TAFA5: variants seen among roughly 807,000 people sequenced by gnomAD.
TAFA5 encodes TAFA chemokine like family member 5.
In TAFA5, 6 loss-of-function variants were observed where a neutral mutation model predicts 15.3. The observed-to-expected ratio is 0.39, with a 90% CI of 0.21 to 0.77. The LOEUF is 0.77. Ranked by LOEUF, TAFA5 falls within the 30% of genes least tolerant of loss-of-function variation. The pLI is 0.41. For missense variants in TAFA5, 161 were observed against 193.1 expected (o/e 0.83, Z 0.98); for synonymous variants, 103 against 80.7 (o/e 1.28, Z -1.48).
At chr22:48,572,515 G>A (rs545988557) in intron 1 of TAFA5, among the ~76,000 whole-genome samples, 1 of 152,198 alleles carries the variant, frequency 6.6e-6, no homozygotes, top group African/African-American at 2.4e-5. Context: ...TGCTGACCCT[G>A]CTTCTCATGA....
rs2038450644 is a variant in TAFA5, at chr22:48,566,275, T to G, written c.112+76571T>G. 7.3e-6 allele frequency among the ~76,000 whole-genome samples: 1 copy of G among 137,010 alleles called. No individual in the cohort carries two copies. Among genetic ancestry groups the G allele is most frequent in the African/African-American group, 2.8e-5 (1 of 35,552 alleles). 89.9% of individuals were successfully genotyped at this position (137,010 alleles called of 152,430 possible). A position where few individuals can be genotyped will look rare whatever the true frequency, so the allele number is the denominator to read the frequency against. ...GTAGATGGATGATGGGTGATGAATG[T>G]ATGATGGGTGGATGAAAGATGGATG... On this transcript the variant is annotated intron_variant, in intron 1 of 3. Transcript: ENST00000402357. The surrounding 1 kb of genome is among the most constrained non-coding windows in gnomAD (Gnocchi z 4.5).
intron 3 of TAFA5, among the ~76,000 whole-genome samples, chr22:48,709,395 C>G (rs1269617909): frequency 1.2e-5 from 1 of 85,642 alleles, no homozygotes; most frequent in East Asian, 3.1e-4. Context: ...AGGCTCTCCT[C>G]TGTCCCTGCT....
Position 48,742,750 on chromosome 22 carries a change from T to C in TAFA5, c.391-7089T>C, listed in dbSNP as rs1023037973. ...GCCGGCAGCACAGTGGAGCAGGCATTATGGTGGACTGGGCAGCATGGTGTA... is the reference window on the plus strand; with the variant it reads ...GCCGGCAGCACAGTGGAGCAGGCATCATGGTGGACTGGGCAGCATGGTGTA... On this transcript the variant is annotated intron_variant, in intron 3 of 3. Transcript: ENST00000402357. This position sits in a 1 kb window ranked among gnomAD's most constrained non-coding sequence, Gnocchi z 6.2. Among the ~76,000 whole-genome samples, 4 of 151,970 alleles carry C rather than the reference T, an allele frequency of 2.6e-5. No homozygotes were observed. Among genetic ancestry groups the C allele is most frequent in the Non-Finnish European group, 4.4e-5 (3 of 67,970 alleles).
intron 2 of TAFA5, among the ~76,000 whole-genome samples, chr22:48,653,405 T>TGGGCA (rs1395795624): frequency 1.3e-5 from 2 of 152,112 alleles, no homozygotes; most frequent in Non-Finnish European, 2.9e-5. Context: ...GCCCAGCAGG[T>TGGGCA]GGGCAGGGCA....
At chr22:48,688,661 C>T (rs1684853969) in intron 2 of TAFA5, among the ~76,000 whole-genome samples, 1 of 152,150 alleles carries the variant, frequency 6.6e-6, no homozygotes, top group African/African-American at 2.4e-5. Context: ...AGAGTCTTGA[C>T]TTCCCAGTTT....
At chr22:48,641,393 G>A (rs1226747255) in intron 1 of TAFA5, among the ~76,000 whole-genome samples, 2 of 152,140 alleles carry the variant, frequency 1.3e-5, no homozygotes, top group Non-Finnish European at 2.9e-5. Context: ...GGGGGCTGGA[G>A]GGGTGGATTC....
intron 1 of TAFA5, among the ~76,000 whole-genome samples, chr22:48,597,909 G>A (rs1261717037): frequency 1.3e-5 from 2 of 152,228 alleles, no homozygotes; most frequent in South Asian, 2.1e-4. Context: ...GGCCGATTAT[G>A]ACTTGAGCGT....
intron 1 of TAFA5, among the ~76,000 whole-genome samples, chr22:48,574,339 G>T (rs1344352757): frequency 6.6e-6 from 1 of 152,120 alleles, no homozygotes; most frequent in African/African-American, 2.4e-5. Context: ...TTCGTGGATG[G>T]CCTCTCCCCT....
chr22:48,546,874 C>T (rs935103081), intron 1 of TAFA5: 42 of 277,280 alleles, frequency 1.5e-4, no homozygotes, highest in South Asian at 3.1e-4. Flanking sequence ...TGGCCACAAG[C>T]TGTTACTACC....
chr22:48,560,907 G>A lies in TAFA5; in HGVS notation c.112+71203G>A, dbSNP rs1923208661. ...TTACAGGTGTGAGCCACCACGCCTG[G>A]CCTCACAGTTGTCTTTAAAGTGGCT... On this transcript the variant is annotated intron_variant, in intron 1 of 3. Coordinates refer to ENST00000402357, the MANE Select transcript of TAFA5 (RefSeq NM_001082967.3). This position sits in a 1 kb window ranked among gnomAD's most constrained non-coding sequence, Gnocchi z 4.2. Among the ~76,000 whole-genome samples the A allele has an allele frequency of 1.3e-5, 2 of 152,156 alleles. No homozygotes were observed. Among genetic ancestry groups the A allele is most frequent in the South Asian group, 4.1e-4 (2 of 4,824 alleles).
chr22:48,565,637 C>A (rs1332350583), intron 1 of TAFA5, among the ~76,000 whole-genome samples: 4 of 152,184 alleles, frequency 2.6e-5, no homozygotes, highest in African/African-American at 9.7e-5. Flanking sequence ...ATCCACCTAC[C>A]ACGTTAGAGC....
intron 1 of TAFA5, among the ~76,000 whole-genome samples, chr22:48,567,006 G>A (rs893528352): frequency 3.3e-5 from 5 of 152,206 alleles, no homozygotes; most frequent in Non-Finnish European, 5.9e-5. Flanking sequence ...GGGCACTTGC[G>A]TTGTCTCCAG....
chr22:48,617,859 A>G (rs1440582413), intron 1 of TAFA5, among the ~76,000 whole-genome samples: 3 of 151,824 alleles, frequency 2.0e-5, no homozygotes, highest in Non-Finnish European at 2.9e-5. Flanking sequence ...GTGCACAAGC[A>G]CATATGGGTC....
Position 48,537,943 on chromosome 22 carries a change from G to A in TAFA5, c.112+48239G>A, listed in dbSNP as rs189537243. Reference sequence around the variant, plus strand: ...GGGGCACGATGCCTTCCATTCCCCCGTGGGCCATTTGGCGTGGGGATGCCA... The same window carrying A: ...GGGGCACGATGCCTTCCATTCCCCCATGGGCCATTTGGCGTGGGGATGCCA... On this transcript the variant is annotated intron_variant, in intron 1 of 3. Transcript: ENST00000402357. Among the ~76,000 whole-genome samples the A allele has an allele frequency of 3.5e-4, 53 of 152,290 alleles. No homozygotes were observed. In the Middle Eastern group the frequency reaches 0.01, roughly 29 times the overall value.
intron 2 of TAFA5, among the ~76,000 whole-genome samples, chr22:48,680,671 G>T (rs1928155459): frequency 6.6e-6 from 1 of 152,258 alleles, no homozygotes; most frequent in Admixed American, 6.5e-5. Flanking sequence ...CCTTGTGCAT[G>T]CCAGGTCTCT....
intron 1 of TAFA5, among the ~76,000 whole-genome samples, chr22:48,502,747 C>G (rs9615337): frequency 0.33 from 50,130 of 151,948 alleles, 9,653 homozygotes; most frequent in Middle Eastern, 0.48. Flanking sequence ...ATTTCAAACT[C>G]CTGACCTCAG....
intron 1 of TAFA5, among the ~76,000 whole-genome samples, chr22:48,575,759 C>T (rs1248945650): frequency 1.4e-5 from 2 of 144,956 alleles, no homozygotes; most frequent in Non-Finnish European, 3.1e-5. Flanking sequence ...AGCCCCGGGC[C>T]GCGCAAGTTC....
intron 1 of TAFA5, among the ~76,000 whole-genome samples, chr22:48,519,136 A>C (rs911468609): frequency 1.3e-5 from 2 of 152,228 alleles, no homozygotes; most frequent in Admixed American, 6.5e-5. Context: ...TGGAATCAAA[A>C]GAGACAGAGT....
At chr22:48,616,504 C>T (rs28464561) in intron 1 of TAFA5, among the ~76,000 whole-genome samples, 106,017 of 151,746 alleles carry the variant, frequency 0.7, 37,930 homozygotes, top group African/African-American at 0.85. Flanking sequence ...CCCATGCACT[C>T]GGGATGCTCC....
Sources: allele counts gnomAD v4.1 joint callset (sites outside exome capture counted in the v4.1 genomes callset), GRCh38; gene constraint gnomAD v4.1.1; non-coding constraint Gnocchi (gnomAD v3.1); transcripts MANE v1.5; gene names NCBI Gene and HGNC (gene_info 2026-07-23, HGNC 2026-07-21).